USP10: variants seen among roughly 807,000 people sequenced by gnomAD.
USP10 encodes the protein ubiquitin specific peptidase 10.
Under a neutral mutation model 84.5 loss-of-function variants are expected in USP10, and 22 were observed. That is an observed-to-expected ratio of 0.26 (90% CI 0.19 to 0.37). The LOEUF (loss-of-function observed/expected upper bound fraction) is 0.37. Among genes scored for constraint, USP10 ranks in the 10% least tolerant of loss-of-function variants. The pLI, the probability that USP10 is intolerant of heterozygous loss-of-function variation, is 1.00. For synonymous variants in USP10, 454 were observed against 387.6 expected (o/e 1.17, Z -2.01); for missense variants, 1,019 against 998.9 (o/e 1.02, Z -0.27).
At chr16:84,710,721 G>A (rs754972158) in intron 1 of USP10, among the ~76,000 whole-genome samples, 1 of 152,076 alleles carries the variant, frequency 6.6e-6, no homozygotes, top group East Asian at 1.9e-4. Context: ...ATTTAACAGC[G>A]TTTTTAGGTT....
intron 3 of USP10, among the ~76,000 whole-genome samples, chr16:84,740,603 T>G (rs1378176470): frequency 1.3e-5 from 2 of 152,270 alleles, no homozygotes; most frequent in Non-Finnish European, 2.9e-5. Context: ...AGGAAATGGT[T>G]GTTGAGTTCT....
Position 84,768,780 on chromosome 16 carries a change from A to G in USP10, c.1998+422A>G, listed in dbSNP as rs79015035. Among the ~76,000 whole-genome samples, 19 of 152,282 alleles carry G rather than the reference A, an allele frequency of 1.2e-4. No individual in the cohort carries two copies. In the East Asian group the frequency reaches 3.7e-3, roughly 29 times the overall value. On this transcript the variant is annotated intron_variant, in intron 11 of 13. Coordinates refer to ENST00000219473, the MANE Select transcript of USP10 (RefSeq NM_005153.3). ...TTTTGCATTTGATTGTAGATCTTCC[A>G]GGTCATTGTAAATATAATATAGTCA...
chr16:84,770,306 A>G (rs369156436), intron 11 of USP10, among the ~76,000 whole-genome samples: 5 of 152,096 alleles, frequency 3.3e-5, no homozygotes, highest in African/African-American at 9.7e-5. Flanking sequence ...AGCAAATTAC[A>G]TATTTTCTTG....
rs552077532 is a variant in USP10, at chr16:84,717,019, C to G, written c.22-16416C>G. ...TTACATGAGATAGAGCATAGCAGTG[C>G]TTCTCAAACTTAAAAGTCCGTTGAG... is the stretch of plus-strand genomic sequence containing the variant. On this transcript the variant is annotated intron_variant, in intron 1 of 13. Transcript: ENST00000219473. Among the ~76,000 whole-genome samples the G allele has an allele frequency of 2.0e-5, 3 of 152,328 alleles. No homozygotes were observed. In the South Asian group the frequency reaches 6.2e-4, roughly 32 times the overall value.
At chr16:84,704,400 G>T (rs1207160516) in intron 1 of USP10, among the ~76,000 whole-genome samples, 1 of 152,214 alleles carries the variant, frequency 6.6e-6, no homozygotes, top group African/African-American at 2.4e-5. Context: ...AGATAAATCT[G>T]TTTGCAATGG....
intron 2 of USP10, among the ~76,000 whole-genome samples, chr16:84,737,857 G>A (rs918798364): frequency 1.3e-5 from 2 of 152,238 alleles, no homozygotes; most frequent in African/African-American, 4.8e-5. Flanking sequence ...GCCACCTGGT[G>A]TCACTGGTCC....
intron 13 of USP10, 47 bp from the exon 14 acceptor site, chr16:84,778,848 G>A (rs751935954): frequency 3.1e-5 from 49 of 1,561,122 alleles, no homozygotes; most frequent in South Asian, 2.9e-4. Context: ...GTAATGATTC[G>A]TGTGCAGTGC....
intron 1 of USP10, among the ~76,000 whole-genome samples, chr16:84,712,918 C>G (rs1001475144): frequency 6.6e-6 from 1 of 152,200 alleles, no homozygotes; most frequent in Non-Finnish European, 1.5e-5. Context: ...CCAGAGTTAC[C>G]AGCAAGTGCT....
At chr16:84,756,604 G>C (rs1435333970) in intron 4 of USP10, among the ~76,000 whole-genome samples, 2 of 151,944 alleles carry the variant, frequency 1.3e-5, no homozygotes, top group African/African-American at 2.4e-5. Context: ...AAAAACAAAG[G>C]TTTCTATGTT....
At chr16:84,747,330 C>T (rs1284636267) in intron 4 of USP10, among the ~76,000 whole-genome samples, 2 of 152,208 alleles carry the variant, frequency 1.3e-5, no homozygotes, top group South Asian at 2.1e-4. Context: ...GCCAAATGCA[C>T]ACCCTTCGAT....
chr16:84,775,028 G>A, intron 12 of USP10, 132 bp from the exon 13 acceptor site: 1 of 757,776 alleles, frequency 1.3e-6, no homozygotes, highest in Non-Finnish European at 2.3e-6. Context: ...CAACTGAAGG[G>A]ATAGAGTGTT....
intron 10 of USP10, among the ~76,000 whole-genome samples, chr16:84,765,628 C>T (rs1370575621): frequency 6.6e-6 from 1 of 152,112 alleles, no homozygotes; most frequent in Non-Finnish European, 1.5e-5. Flanking sequence ...GAATAGTGTT[C>T]CCTTGTCTAT....
At chr16:84,774,483 G>T (rs1443792791) in intron 12 of USP10, among the ~76,000 whole-genome samples, 21 of 39,436 alleles carry the variant, frequency 5.3e-4, no homozygotes, top group East Asian at 2.6e-3. Context: ...TTTTTTTTTT[G>T]TTTGTTTGTT....
chr16:84,725,253 A>G (rs1473896686), intron 1 of USP10, among the ~76,000 whole-genome samples: 1 of 152,128 alleles, frequency 6.6e-6, no homozygotes, highest in Non-Finnish European at 1.5e-5. Flanking sequence ...GTGTCTGGTA[A>G]TTTGCCTATT....
chr16:84,765,491 A>C (rs1277810349), intron 10 of USP10, among the ~76,000 whole-genome samples: 1 of 131,264 alleles, frequency 7.6e-6, no homozygotes, highest in East Asian at 2.5e-4. Flanking sequence ...TTTTTTTTTT[A>C]ATAAAGATTC....
Position 84,759,386 on chromosome 16 carries a change from C to T in USP10, c.1308C>T (p.Cys436=). The T allele has an allele frequency of 1.2e-6, 2 of 1,614,026 alleles. No homozygotes were observed. The highest frequency in any genetic ancestry group is 1.7e-5 in the Admixed American group (1 of 60,020). Residue 436 remains cysteine, a synonymous_variant, in exon 6 of 14, where the codon TGC becomes TGT. Transcript: ENST00000219473. The part of the protein sequence containing the change: ...INATLQALVA[C]PPMYHLMKFI... ...AGACACTGCAGGCATTGGTTGCTTGCCCGCCGATGTACCACCTGATGAAGT... is the reference window on the plus strand; with the variant it reads ...AGACACTGCAGGCATTGGTTGCTTGTCCGCCGATGTACCACCTGATGAAGT...
intron 1 of USP10, among the ~76,000 whole-genome samples, chr16:84,732,210 G>A (rs1189055545): frequency 2.0e-5 from 3 of 152,052 alleles, no homozygotes; most frequent in African/African-American, 7.2e-5. Flanking sequence ...ATTCATTTAT[G>A]TAATATTTAG....
At chr16:84,723,280 A>C (rs1908048471) in intron 1 of USP10, among the ~76,000 whole-genome samples, 1 of 152,128 alleles carries the variant, frequency 6.6e-6, no homozygotes, top group South Asian at 2.1e-4. Context: ...GTTCCTTTAA[A>C]GTGTTCTGTG....
chr16:84,715,176 C>G (rs960724247), intron 1 of USP10, among the ~76,000 whole-genome samples: 8 of 152,064 alleles, frequency 5.3e-5, no homozygotes, highest in Non-Finnish European at 1.2e-4. Flanking sequence ...GTGATCTGCC[C>G]GCCTAGGCCT....
Sources: gnomAD v4.1 joint callset for allele counts (sites outside exome capture counted in the v4.1 genomes callset) on GRCh38, gnomAD v4.1.1 for gene constraint, MANE v1.5 for transcripts, NCBI Gene and HGNC (gene_info 2026-07-23, HGNC 2026-07-21) for gene names.